The following SNX8 variants were observed in gnomAD, a reference collection of about 807,000 sequenced individuals.
The protein encoded by SNX8 is sorting nexin 8.
A neutral mutation model predicts 51.6 loss-of-function variants in SNX8; 25 were observed. The ratio of observed to expected loss-of-function variants is 0.48; its 90% CI spans 0.35 to 0.68. The LOEUF (loss-of-function observed/expected upper bound fraction) is 0.68, where lower values mean the gene tolerates loss of function less well. SNX8 is among the 30% of genes least tolerant of loss of function. The pLI, the probability that SNX8 is intolerant of heterozygous loss-of-function variation, is 0.00. For synonymous variants in SNX8, 324 were observed against 277.0 expected, an observed-to-expected ratio of 1.17 and a Z score of -1.68; for missense variants, 695 against 624.0, an observed-to-expected ratio of 1.11 and a Z score of -1.21.
intron 1 of SNX8, among the ~76,000 whole-genome samples, chr7:2,309,104 AAATAG>A (rs1355563263): frequency 2.6e-5 from 4 of 151,406 alleles, no homozygotes; most frequent in Admixed American, 6.6e-5. Context: ...TCTTTTTTTT[AAATAG>A]GGATGGGGTC....
At chr7:2,297,897 G>A (rs1387427756) in intron 1 of SNX8, among the ~76,000 whole-genome samples, 1 of 151,848 alleles carries the variant, frequency 6.6e-6, no homozygotes, top group Non-Finnish European at 1.5e-5. Flanking sequence ...GAGGGCGGGA[G>A]GGGGTGAAGG....
intron 1 of SNX8, among the ~76,000 whole-genome samples, chr7:2,351,634 C>A (rs1019588399): frequency 2.2e-4 from 34 of 151,758 alleles, no homozygotes; most frequent in Non-Finnish European, 3.7e-4. Context: ...AGAGTGAGAC[C>A]ATCCTGACTA....
chr7:2,264,521 G>T, intron 5 of SNX8, 63 bp from the exon 6 acceptor site: 1 of 1,524,434 alleles, frequency 6.6e-7, no homozygotes, highest in Non-Finnish European at 8.9e-7. Flanking sequence ...TCAGACGGCA[G>T]CAGCCGGTCC....
intron 1 of SNX8, among the ~76,000 whole-genome samples, chr7:2,333,298 C>T (rs941016278): frequency 2.0e-5 from 3 of 152,186 alleles, no homozygotes; most frequent in Non-Finnish European, 4.4e-5. Flanking sequence ...CGCAGTGGCT[C>T]ACGCCTATAA....
chr7:2,344,432 AAACCCCGTCTCT>A (rs962507338), intron 1 of SNX8, among the ~76,000 whole-genome samples: 2 of 149,214 alleles, frequency 1.3e-5, no homozygotes, highest in Non-Finnish European at 3.0e-5. Context: ...TGAGATGGTG[AAACCCCGTCTCT>A]ACTAAAAATA....
chr7:2,346,429 G>C (rs1435941516), intron 1 of SNX8, among the ~76,000 whole-genome samples: 7 of 148,814 alleles, frequency 4.7e-5, no homozygotes, highest in Non-Finnish European at 1.0e-4. Context: ...CTGGCTGAAA[G>C]AGCAAGACTC....
In SNX8 at chr7:2,264,393, G is replaced by A. The variant is rs369647087; in HGVS notation, c.687C>T (p.Tyr229=). The A allele has an allele frequency of 1.2e-5, 20 of 1,612,826 alleles. No individual in the cohort carries two copies. In the African/African-American group the frequency reaches 1.9e-4, roughly 15 times the overall value. ...AISRELIRNI[Y]NSFHKLRDRA... Reference sequence around the variant, plus strand: ...TGTCGCGAAGCTTGTGAAAGCTATTGTAGATGTTCCGGATCAGCTCCCGGC... The same window carrying A: ...TGTCGCGAAGCTTGTGAAAGCTATTATAGATGTTCCGGATCAGCTCCCGGC... Residue 229 remains tyrosine, a synonymous_variant, in exon 6 of 11, where the codon TAC becomes TAT. Coordinates refer to ENST00000222990, the MANE Select transcript of SNX8 (RefSeq NM_013321.4).
chr7:2,269,391 T>A (rs6968190), intron 5 of SNX8, among the ~76,000 whole-genome samples, 168 bp downstream of exon 5: 135,916 of 148,832 alleles, frequency 0.91, 62,334 homozygotes, highest in Non-Finnish European at 0.96. Flanking sequence ...GGCCGCAGGG[T>A]CCTCTGCCTA....
At chr7:2,321,665 C>T (rs1332167000) in intron 1 of SNX8, among the ~76,000 whole-genome samples, 3 of 149,170 alleles carry the variant, frequency 2.0e-5, no homozygotes, top group African/African-American at 5.0e-5. Context: ...CCGCCCTCCT[C>T]GGCCTCCCAA....
At chr7:2,269,360 A>C (rs1337353575) in intron 5 of SNX8, among the ~76,000 whole-genome samples, 199 bp downstream of exon 5, 1 of 150,630 alleles carries the variant, frequency 6.6e-6, no homozygotes, top group Non-Finnish European at 1.5e-5. Flanking sequence ...TCAAGTAATC[A>C]GGGACACAAA....
intron 1 of SNX8, among the ~76,000 whole-genome samples, chr7:2,302,390 T>C (rs1335645774): frequency 2.0e-5 from 3 of 152,218 alleles, no homozygotes; most frequent in African/African-American, 4.8e-5. Flanking sequence ...AGACGGAGTC[T>C]AGTTCACTCA....
chr7:2,301,306 GCAC>G (rs138009938), intron 1 of SNX8, among the ~76,000 whole-genome samples: 9,626 of 152,196 alleles, frequency 0.063, 323 homozygotes, highest in Middle Eastern at 0.14. Flanking sequence ...GTGAATCCCA[GCAC>G]CACCACCTAT....
At chr7:2,288,347 TAAAAAAAAA>T (rs538014195) in intron 1 of SNX8, 3 of 120,512 alleles carry the variant, frequency 2.5e-5, no homozygotes, top group African/African-American at 3.2e-5. Context: ...AAGACTGTCT[TAAAAAAAAA>T]AAAAAAAAAA....
At chr7:2,286,626 C>A (rs60880555) in intron 1 of SNX8, among the ~76,000 whole-genome samples, 1,763 of 151,510 alleles carry the variant, frequency 0.012, 40 homozygotes, top group African/African-American at 0.04. Flanking sequence ...TCACGCCATT[C>A]TCCTGCCTCA....
At chr7:2,329,998 T>C (rs1426198394) in intron 1 of SNX8, among the ~76,000 whole-genome samples, 1 of 127,510 alleles carries the variant, frequency 7.8e-6, no homozygotes, top group Non-Finnish European at 1.6e-5. Context: ...CCACGGCTAA[T>C]TTTTGTATTT....
chr7:2,345,176 G>GA (rs1778997356), intron 1 of SNX8, among the ~76,000 whole-genome samples: 1 of 151,910 alleles, frequency 6.6e-6, no homozygotes, highest in Non-Finnish European at 1.5e-5. Flanking sequence ...TTATAACACT[G>GA]AAAAAAACCA....
chr7:2,256,207 C>T (rs2115085768), intron 10 of SNX8, among the ~76,000 whole-genome samples: 1 of 152,340 alleles, frequency 6.6e-6, no homozygotes, highest in East Asian at 1.9e-4. Context: ...TCCAGCCTGC[C>T]ATTCCCAAAG....
rs549943867 is a variant in SNX8 at position 2,330,122 on chromosome 7, C to T, written c.-66+24100G>A. On this transcript the variant is annotated intron_variant, in intron 1 of 5. Coordinates refer to the SNX8 transcript ENST00000435336. Reference sequence around the variant, plus strand: ...CTGGGATTACAGGCATGAGCCACTGCGCCCGGCCCTTTTTTCTTTTTTTTT... The same window carrying T: ...CTGGGATTACAGGCATGAGCCACTGTGCCCGGCCCTTTTTTCTTTTTTTTT... 1.6e-3 allele frequency among the ~76,000 whole-genome samples: 223 copies of T among 142,216 alleles called. 2 individuals are homozygous for T. The highest frequency in any genetic ancestry group is 9.1e-3 in the South Asian group (38 of 4,196). The allele number at this position is 142,216 out of a possible 152,430, so 93.3% of individuals were successfully genotyped here.
At chr7:2,285,017 C>T (rs1021315719) in intron 1 of SNX8, among the ~76,000 whole-genome samples, 1 of 151,890 alleles carries the variant, frequency 6.6e-6, no homozygotes, top group Non-Finnish European at 1.5e-5. Flanking sequence ...TCGAGACCAT[C>T]CTGGCTAACA....
Sources: gnomAD v4.1 joint callset for allele counts (sites outside exome capture counted in the v4.1 genomes callset) on GRCh38, gnomAD v4.1.1 for gene constraint, MANE v1.5 for transcripts, NCBI Gene and HGNC (gene_info 2026-07-23, HGNC 2026-07-21) for gene names.